The following DPYD variants were observed in gnomAD, a reference collection of about 807,000 sequenced individuals.
DPYD encodes the protein dihydropyrimidine dehydrogenase [NADP(+)].
Under a neutral mutation model 116.2 loss-of-function variants are expected in DPYD, and 109 were observed. The observed-to-expected ratio is 0.94, with a 90% CI of 0.80 to 1.10. The LOEUF (loss-of-function observed/expected upper bound fraction) is 1.10, where lower values mean the gene tolerates loss of function less well. Among genes scored for constraint, DPYD ranks in the 50% least tolerant of loss-of-function variants. The pLI is 0.00. For missense variants in DPYD, 1,302 were observed against 1,254.5 expected (o/e 1.04, Z -0.57); for synonymous variants, 440 against 432.0 (o/e 1.02, Z -0.23).
At chr1:97,586,485 TA>T (rs1654120297) in intron 10 of DPYD, among the ~76,000 whole-genome samples, 4 of 103,512 alleles carry the variant, frequency 3.9e-5, no homozygotes, top group Non-Finnish European at 7.7e-5. Flanking sequence ...TATATATATA[TA>T]TATATATATA....
intron 4 of DPYD, among the ~76,000 whole-genome samples, chr1:97,739,830 T>A (rs544984032): frequency 9.8e-4 from 148 of 151,552 alleles, no homozygotes; most frequent in South Asian, 2.3e-3. Flanking sequence ...CATTGATTTT[T>A]AAAAAAAAAT....
chr1:97,425,523 A>G lies in DPYD; in HGVS notation c.1905+24536T>C, dbSNP rs192886474. Among the ~76,000 whole-genome samples, 82 of 152,250 alleles carry G rather than the reference A, an allele frequency of 5.4e-4. No homozygotes were observed. In the East Asian group the frequency reaches 0.015, roughly 28 times the overall value. On this transcript the variant is annotated intron_variant, in intron 14 of 22. Coordinates refer to ENST00000370192, the MANE Select transcript of DPYD (RefSeq NM_000110.4). Reference sequence around the variant, plus strand: ...TATGACTATAACTTTTCAAAATGTTAGTCTCCTTTACTGACCCAGCACTTC... The same window carrying G: ...TATGACTATAACTTTTCAAAATGTTGGTCTCCTTTACTGACCCAGCACTTC...
chr1:97,806,107 A>G (rs1161638591), intron 3 of DPYD, among the ~76,000 whole-genome samples: 6 of 151,948 alleles, frequency 3.9e-5, no homozygotes, highest in Non-Finnish European at 5.9e-5. Flanking sequence ...ATATTTATAG[A>G]ACACTAAATC....
In DPYD at chr1:97,573,700, C is replaced by T. The variant is rs981735823; in HGVS notation, c.1339+60G>A. ...AAAACAATTCCCTGAAAGCTAGAAACTATTACAGCACTAAAATAACAGACA... is the reference window on the plus strand; with the variant it reads ...AAAACAATTCCCTGAAAGCTAGAAATTATTACAGCACTAAAATAACAGACA... On this transcript the variant is annotated intron_variant, in intron 11 of 22. Coordinates refer to ENST00000370192, the MANE Select transcript of DPYD (RefSeq NM_000110.4). The T allele has an allele frequency of 3.8e-6, 6 of 1,595,188 alleles. No homozygotes were observed. The African/African-American group carries it at 8.1e-5, about 21-fold the overall frequency.
intron 8 of DPYD, among the ~76,000 whole-genome samples, chr1:97,654,900 T>TA (rs949598061): frequency 3.3e-5 from 5 of 152,114 alleles, no homozygotes; most frequent in Non-Finnish European, 5.9e-5. Flanking sequence ...AAGTATGTCT[T>TA]ACATGGTGGT....
At chr1:97,724,090 C>A (rs916698058) in intron 4 of DPYD, among the ~76,000 whole-genome samples, 4 of 151,436 alleles carry the variant, frequency 2.6e-5, no homozygotes, top group Admixed American at 1.3e-4. Flanking sequence ...AATTCAACAT[C>A]CCTCATGACA....
chr1:97,152,063 G>T (rs1040525932), intron 20 of DPYD, among the ~76,000 whole-genome samples: 7 of 152,136 alleles, frequency 4.6e-5, no homozygotes, highest in African/African-American at 1.7e-4. Flanking sequence ...TATGGATAAT[G>T]TATTAATCAA....
chr1:97,279,757 AC>A (rs1665186696), intron 18 of DPYD, among the ~76,000 whole-genome samples: 1 of 152,024 alleles, frequency 6.6e-6, no homozygotes, highest in Non-Finnish European at 1.5e-5. Flanking sequence ...TGATCCGCCC[AC>A]CTCAGCCTCC....
chr1:97,872,044 G>A (rs1174272215), intron 2 of DPYD, among the ~76,000 whole-genome samples: 1 of 151,750 alleles, frequency 6.6e-6, no homozygotes, highest in Non-Finnish European at 1.5e-5. Flanking sequence ...TTTACTCAAG[G>A]TCATACTCTA....
intron 18 of DPYD, among the ~76,000 whole-genome samples, chr1:97,245,730 G>C (rs929111024): frequency 6.6e-6 from 1 of 152,062 alleles, no homozygotes; most frequent in African/African-American, 2.4e-5. Flanking sequence ...AAATAAAAAA[G>C]AGGTTCCACA....
At chr1:97,427,696 G>GA (rs535797637) in intron 14 of DPYD, among the ~76,000 whole-genome samples, 1,574 of 135,636 alleles carry the variant, frequency 0.012, 18 homozygotes, top group Middle Eastern at 0.03. Context: ...AATGAAGCAA[G>GA]AAAAAAAAAA....
intron 12 of DPYD, among the ~76,000 whole-genome samples, chr1:97,545,549 TGAAGATG>T (rs1384684624): frequency 6.6e-6 from 1 of 152,122 alleles, no homozygotes; most frequent in African/African-American, 2.4e-5. Flanking sequence ...GACATTTACA[TGAAGATG>T]TTTGGTGAAT....
At position 97,515,882 on chromosome 1, in the gene DPYD, A is replaced by G; in HGVS notation, c.1584T>C (p.Ile528=). ...KPELPLFYTP[I]DLVDISVEMA... is the part of the protein sequence containing the mutation. Reference sequence around the variant, plus strand: ...TTTCTACACTAATGTCCACCAGATCAATAGGAGTGTAAAAGAGGGGTAGTT... The same window carrying G: ...TTTCTACACTAATGTCCACCAGATCGATAGGAGTGTAAAAGAGGGGTAGTT... Residue 528 remains isoleucine (I), a synonymous_variant, in exon 13 of 23, where the codon ATT becomes ATC. Transcript: ENST00000370192. 6.2e-7 allele frequency: 1 copy of G among 1,612,956 alleles called. No individual in the cohort carries two copies. Among genetic ancestry groups the G allele is most frequent in the South Asian group, 1.1e-5 (1 of 91,066 alleles).
At chr1:97,892,770 G>A (rs1672841754) in intron 1 of DPYD, among the ~76,000 whole-genome samples, 1 of 151,660 alleles carries the variant, frequency 6.6e-6, no homozygotes, top group African/African-American at 2.4e-5. Flanking sequence ...TATGCACAGT[G>A]GGTAACTCAC....
intron 19 of DPYD, among the ~76,000 whole-genome samples, chr1:97,234,523 T>C (rs1661779375): frequency 6.6e-6 from 1 of 152,192 alleles, no homozygotes; most frequent in Non-Finnish European, 1.5e-5. Flanking sequence ...TCAATTGAGA[T>C]TTTACTTTTA....
intron 12 of DPYD, among the ~76,000 whole-genome samples, chr1:97,538,356 C>A (rs555119750): frequency 6.3e-4 from 96 of 152,326 alleles, no homozygotes; most frequent in African/African-American, 2.1e-3. Context: ...ACATTCATTT[C>A]ACATAGCCTA....
chr1:97,258,296 C>T (rs1257082356), intron 18 of DPYD, among the ~76,000 whole-genome samples: 1 of 152,140 alleles, frequency 6.6e-6, no homozygotes, highest in East Asian at 1.9e-4. Context: ...CTTCTTTGTA[C>T]CCCCTGTCCC....
chr1:97,691,926 A>G (rs998469552), intron 6 of DPYD, 128 bp from the exon 7 acceptor site: 3 of 739,068 alleles, frequency 4.1e-6, no homozygotes, highest in African/African-American at 3.5e-5. Flanking sequence ...GGATATTTAT[A>G]TATCACACAA....
At chr1:97,224,259 T>C (rs1660968511) in intron 19 of DPYD, among the ~76,000 whole-genome samples, 1 of 152,068 alleles carries the variant, frequency 6.6e-6, no homozygotes, top group African/African-American at 2.4e-5. Context: ...GTGTTACATC[T>C]GGTTCTGTTG....
Sources: allele counts gnomAD v4.1 joint callset (sites outside exome capture counted in the v4.1 genomes callset), GRCh38; gene constraint gnomAD v4.1.1; transcripts MANE v1.5; gene names NCBI Gene and HGNC (gene_info 2026-07-23, HGNC 2026-07-21).